Variants in ZBED1 observed in about 807,000 individuals in gnomAD.
ZBED1 encodes the protein E3 SUMO-protein ligase ZBED1.
In ZBED1, 19 loss-of-function variants were observed where a neutral mutation model predicts 49.7. The ratio of observed to expected loss-of-function variants is 0.38; its 90% CI spans 0.27 to 0.56. ZBED1 has a LOEUF of 0.56. ZBED1 is among the 20% of genes least tolerant of loss of function. ZBED1 has a pLI of 0.70. For missense variants in ZBED1, 806 were observed against 972.6 expected (o/e 0.83, Z 2.28); for synonymous variants, 439 against 440.3 (o/e 1.00, Z 0.04).
At position 2,489,435 on chromosome X, in the gene ZBED1, G is replaced by A. The variant is rs1467251593; in HGVS notation, c.1285C>T (p.Leu429Phe). 1 of 1,613,938 alleles carries A rather than the reference G, an allele frequency of 6.2e-7. No individual in the cohort carries two copies. The change falls in exon 2 of 2, where the codon CTC (leucine) becomes TTC (phenylalanine). Residue 429 changes from leucine (L) to phenylalanine (F), a missense_variant. Coordinates refer to ENST00000652001, the MANE Select transcript of ZBED1 (RefSeq NM_001171136.2). ...ISMVKPLLHM[L>F]LNTTLNIKET... is the part of the protein sequence containing the mutation. Reference sequence around the variant, plus strand: ...TTGATGTTGAGCGTGGTGTTCAGGAGCATGTGCAGCAGCGGCTTCACCATG... The same window carrying A: ...TTGATGTTGAGCGTGGTGTTCAGGAACATGTGCAGCAGCGGCTTCACCATG...
At position 2,490,528 on chromosome X, in the gene ZBED1, G is replaced by C. The variant is rs184658668; in HGVS notation, c.192C>G (p.Ser64=). ...IAYSGNTSNL[S]YHLEKNHPEE... ...CGGGGTGGTTCTTCTCCAGGTGGTA[G>C]GACAGGTTGGAGGTGTTTCCGGAGT... Residue 64 remains serine (S), a synonymous_variant, in exon 2 of 2, where the codon TCC becomes TCG. Coordinates refer to ENST00000652001, the MANE Select transcript of ZBED1 (RefSeq NM_001171136.2). 149 of 1,614,004 alleles carry C rather than the reference G, an allele frequency of 9.2e-5. No homozygotes were observed. The highest frequency in any genetic ancestry group is 1.2e-4 in the Non-Finnish European group (144 of 1,179,866).
Position 2,490,060 on chromosome X carries a change from C to A in ZBED1, c.660G>T (p.Leu220=), listed in dbSNP as rs2045088336. The part of the protein sequence containing the change: ...YVTLAAHFLG[L]GAPNCLSMGS... ...CCATGGACAGGCAGTTGGGGGCGCCCAGGCCCAGGAAGTGGGCGGCCAGCG... is the reference window on the plus strand; with the variant it reads ...CCATGGACAGGCAGTTGGGGGCGCCAAGGCCCAGGAAGTGGGCGGCCAGCG... Residue 220 remains leucine, a synonymous_variant, in exon 2 of 2, where the codon CTG becomes CTT. Transcript: ENST00000652001. The A allele has an allele frequency of 6.2e-7, 1 of 1,613,684 alleles. No homozygotes were observed. The highest frequency in any genetic ancestry group is 1.3e-5 in the African/African-American group (1 of 74,936).
At chrX:2,490,827 G>A in intron 1 of ZBED1, 55 bp from the exon 2 acceptor site, 1 of 1,469,640 alleles carries the variant, frequency 6.8e-7, no homozygotes. Context: ...ACGCACGGGA[G>A]CCCTGCCGGG....
chrX:2,495,930 A>G (rs1186356479), intron 1 of ZBED1, among the ~76,000 whole-genome samples: 1 of 152,186 alleles, frequency 6.6e-6, no homozygotes, highest in Non-Finnish European at 1.5e-5. Flanking sequence ...AAGCAGAGGA[A>G]GGAGCCAGCC....
intron 1 of ZBED1, among the ~76,000 whole-genome samples, chrX:2,496,070 T>A (rs1395289884): frequency 6.6e-6 from 1 of 152,202 alleles, no homozygotes; most frequent in African/African-American, 2.4e-5. Flanking sequence ...GGCCAAAGGG[T>A]ACCAAGTTTC....
chrX:2,491,359 C>T (rs955756569), intron 1 of ZBED1, among the ~76,000 whole-genome samples: 10 of 152,144 alleles, frequency 6.6e-5, no homozygotes, highest in African/African-American at 2.2e-4. Context: ...CGTGAGTCAC[C>T]GCGCCCAGCC....
At position 2,488,687 on chromosome X, in the gene ZBED1, C is replaced by T. The variant is rs773802825; in HGVS notation, c.2033G>A (p.Gly678Glu). ...AAAGAAACCGCCGCTGACGCCATCC[C>T]CCAAGGAGAACACCTGCTCCTGGTC... ...GLDQEQVFSLGDGVSGGFFGI... is the reference protein window; with the variant it reads ...GLDQEQVFSLEDGVSGGFFGI... Residue 678 changes from glycine (G) to glutamate (E), a missense_variant, in exon 2 of 2, where the codon GGG becomes GAG. By Grantham distance (98) the Gly-to-Glu change is moderately conservative (BLOSUM62 -2). Around this residue, in one of 2 missense-constraint regions of ZBED1, gnomAD observed 749 missense variants for 861.3 expected, o/e 0.87. Coordinates refer to ENST00000652001, the MANE Select transcript of ZBED1 (RefSeq NM_001171136.2). The T allele has an allele frequency of 8.7e-6, 14 of 1,613,494 alleles. No homozygotes were observed. Among genetic ancestry groups the T allele is most frequent in the African/African-American group, 1.3e-5 (1 of 74,906 alleles).
rs1216936770 is a variant in ZBED1 at position 2,489,752 on chromosome X, TG to T, written c.967del (p.Gln323SerfsTer25). 1.9e-6 allele frequency: 3 copies of T among 1,613,310 alleles called. No individual in the cohort carries two copies. In the East Asian group the frequency reaches 6.7e-5, roughly 36 times the overall value. On this transcript the variant is annotated frameshift_variant, in exon 2 of 2. Transcript: ENST00000652001. LOFTEE classifies it high-confidence loss of function. ...CATGTACATGGCCACGGCAGACTGC[TG>T]GAAGTACTCCACCAGTTTGCGGCAG... ...SRCRKLVEYF[Q>X]QSAVAMYMLY...
intron 1 of ZBED1, among the ~76,000 whole-genome samples, chrX:2,495,287 T>G (rs1423760060): frequency 2.0e-5 from 3 of 151,726 alleles, no homozygotes; most frequent in Admixed American, 2.0e-4. Context: ...ATTATCATTA[T>G]TCCTATTGTT....
At chrX:2,494,022 G>C (rs2045224187) in intron 1 of ZBED1, among the ~76,000 whole-genome samples, 3 of 151,434 alleles carry the variant, frequency 2.0e-5, no homozygotes, top group African/African-American at 7.3e-5. Context: ...TATTACTATT[G>C]TTTTTAGGCT....
intron 1 of ZBED1, among the ~76,000 whole-genome samples, chrX:2,491,999 A>C (rs1027442025): frequency 2.3e-4 from 35 of 152,306 alleles, no homozygotes; most frequent in Non-Finnish European, 4.9e-4. Context: ...TGTGTCTCCA[A>C]GTGTCCAGTA....
intron 1 of ZBED1, among the ~76,000 whole-genome samples, chrX:2,491,018 C>T (rs886527232): frequency 2.0e-5 from 3 of 150,986 alleles, no homozygotes; most frequent in African/African-American, 4.9e-5. Flanking sequence ...TACAGGTTTG[C>T]GAGTGAGCAC....
intron 1 of ZBED1, among the ~76,000 whole-genome samples, chrX:2,491,429 C>T (rs1324380428): frequency 6.6e-6 from 1 of 152,158 alleles, no homozygotes; most frequent in Non-Finnish European, 1.5e-5. Context: ...TTCCCAAGCA[C>T]CTGCCACGTG....
intron 1 of ZBED1, among the ~76,000 whole-genome samples, chrX:2,491,330 A>G (rs999836102): frequency 4.6e-5 from 7 of 152,330 alleles, no homozygotes; most frequent in African/African-American, 1.7e-4. Context: ...TTGGCCTCCC[A>G]AAGTGCTGGG....
Position 2,488,052 on chromosome X carries a change from G to A in ZBED1, c.*583C>T, listed in dbSNP as rs2044994093. The A allele has an allele frequency of 6.6e-6, 1 of 151,916 alleles. No individual in the cohort carries two copies. 9.4% of individuals were successfully genotyped at this position (151,916 alleles called of 1,614,324 possible). A position where few individuals can be genotyped will look rare whatever the true frequency, so the allele number is the denominator to read the frequency against. ...GTGGAGGTCTTAAGTATCTGTGAAGGAAGGAACAGCTCCTCTAGGCTCTGC... is the reference window on the plus strand; with the variant it reads ...GTGGAGGTCTTAAGTATCTGTGAAGAAAGGAACAGCTCCTCTAGGCTCTGC... On this transcript the variant is annotated 3_prime_UTR_variant, in exon 2 of 2. Coordinates refer to ENST00000652001, the MANE Select transcript of ZBED1 (RefSeq NM_001171136.2).
chrX:2,488,483 C>G lies in ZBED1; in HGVS notation c.*152G>C. 9.2e-7 allele frequency: 1 copy of G among 1,089,738 alleles called. No homozygotes were observed. The allele number at this position is 1,089,738 out of a possible 1,614,324, so 67.5% of individuals were successfully genotyped here. ...AGCCACCGCCCCCGACCCTCTCTCA[C>G]TTCTCAAATCTCTTTCCTTTTTCCA... is the stretch of plus-strand genomic sequence containing the variant. On this transcript the variant is annotated 3_prime_UTR_variant, in exon 2 of 2. Coordinates refer to ENST00000652001, the MANE Select transcript of ZBED1 (RefSeq NM_001171136.2).
At position 2,490,141 on chromosome X, in the gene ZBED1, C is replaced by T; in HGVS notation, c.579G>A (p.Trp193Ter). The change falls in exon 2 of 2, where the codon TGG (tryptophan) becomes TGA (stop). Residue 193 changes from tryptophan (W) to a stop codon, truncating the protein, a stop_gained. Coordinates refer to ENST00000652001, the MANE Select transcript of ZBED1 (RefSeq NM_001171136.2). LOFTEE classifies it high-confidence loss of function. Reference sequence around the variant, plus strand: ...TCCACATGTCGGTGGAGATGCCACACCAGGTGGCCTCGGCCAGCTCCTTCA... The same window carrying T: ...TCCACATGTCGGTGGAGATGCCACATCAGGTGGCCTCGGCCAGCTCCTTCA... ...VILKELAEAT[W>*]CGISTDMWRS... 1 of 1,613,956 alleles carries T rather than the reference C, an allele frequency of 6.2e-7. No homozygotes were observed. The highest frequency in any genetic ancestry group is 1.1e-5 in the South Asian group (1 of 91,078).
chrX:2,492,647 G>C (rs7881682), intron 1 of ZBED1, among the ~76,000 whole-genome samples: 1 of 151,190 alleles, frequency 6.6e-6, no homozygotes, highest in Non-Finnish European at 1.5e-5. Context: ...AGGAGACACA[G>C]ACACAGAGAA....
In ZBED1 at chrX:2,490,142, C is replaced by A. The variant is rs766125925; in HGVS notation, c.578G>T (p.Trp193Leu). The change falls in exon 2 of 2, where the codon TGG becomes TTG. Residue 193 changes from tryptophan to leucine, a missense_variant. Physicochemically the swap from Trp to Leu is moderately conservative, Grantham distance 61. This residue lies in a region of ZBED1 where 749 missense variants were observed against 861.3 expected (regional missense o/e 0.87). Transcript: ENST00000652001. ...CCACATGTCGGTGGAGATGCCACAC[C>A]AGGTGGCCTCGGCCAGCTCCTTCAG... The part of the protein sequence containing the change: ...VILKELAEAT[W>L]CGISTDMWRS... 7 of 1,613,846 alleles carry A rather than the reference C, an allele frequency of 4.3e-6. No homozygotes were observed. Among genetic ancestry groups the A allele is most frequent in the Non-Finnish European group, 5.9e-6 (7 of 1,179,888 alleles).
Sources: allele counts gnomAD v4.1 joint callset (sites outside exome capture counted in the v4.1 genomes callset), GRCh38; gene constraint gnomAD v4.1.1; regional missense constraint gnomAD v4.1.1; transcripts MANE v1.5; gene names NCBI Gene and HGNC (gene_info 2026-07-23, HGNC 2026-07-21).